The following PCDHGA10 variants were observed in gnomAD, a reference collection of about 807,000 sequenced individuals.
The protein encoded by PCDHGA10 is protocadherin gamma subfamily A, 10.
PCDHGA10 carries 42 observed loss-of-function variants against 59.5 expected under a neutral mutation model. The ratio of observed to expected loss-of-function variants is 0.71; its 90% CI spans 0.55 to 0.91. The LOEUF is 0.91. Ranked by LOEUF, PCDHGA10 falls within the 40% of genes least tolerant of loss-of-function variation. PCDHGA10 has a pLI of 0.00. For synonymous variants in PCDHGA10, 511 were observed against 517.2 expected (o/e 0.99, Z 0.16); for missense variants, 1,111 against 1,198.2 (o/e 0.93, Z 1.07).
At chr5:141,500,488 C>A (rs569168291) in intron 2 of PCDHGA10, among the ~76,000 whole-genome samples, 2 of 152,060 alleles carry the variant, frequency 1.3e-5, no homozygotes, top group East Asian at 3.9e-4. Flanking sequence ...GGATTACAGG[C>A]GTGAGCCACC....
chr5:141,439,556 C>A (rs543620281), intron 1 of PCDHGA10, among the ~76,000 whole-genome samples: 1 of 152,268 alleles, frequency 6.6e-6, no homozygotes, highest in East Asian at 1.9e-4. Context: ...CTTCAGGCTG[C>A]AGTTCTAGAG....
chr5:141,492,078 C>T (rs948391194), intron 1 of PCDHGA10: 4 of 483,290 alleles, frequency 8.3e-6, no homozygotes, highest in African/African-American at 2.0e-5. Flanking sequence ...GCGCCGGCTC[C>T]GGCACGCTTC....
chr5:141,414,878 A>G lies in PCDHGA10; in HGVS notation c.1703A>G (p.Tyr568Cys). Reference protein sequence around the residue: ...DQNDNAPEILYPALPTDGSTG... With the variant: ...DQNDNAPEILCPALPTDGSTG... ...AACGACAATGCGCCCGAGATCCTGT[A>G]CCCCGCCCTCCCCACAGACGGTTCC... The change falls in exon 1 of 4, where the codon TAC becomes TGC. Residue 568 changes from tyrosine (Y) to cysteine (C), a missense_variant. Tyr to Cys is a radical substitution (Grantham distance 194). Transcript: ENST00000398610. 1.2e-6 allele frequency: 2 copies of G among 1,614,026 alleles called. No individual in the cohort carries two copies. Among genetic ancestry groups the G allele is most frequent in the Non-Finnish European group, 1.7e-6 (2 of 1,179,986 alleles).
intron 1 of PCDHGA10, chr5:141,428,404 T>A (rs375988962): frequency 2.3e-5 from 11 of 476,688 alleles, no homozygotes; most frequent in East Asian, 2.1e-4. Flanking sequence ...TGCCTGGGGT[T>A]GCTTTCACCC....
chr5:141,473,029 G>A (rs62379204), intron 1 of PCDHGA10, among the ~76,000 whole-genome samples: 15,982 of 147,800 alleles, frequency 0.11, 873 homozygotes, highest in South Asian at 0.15. Flanking sequence ...AAGGAAGGAA[G>A]GAAGGAAAGA....
rs753702657 is a variant in PCDHGA10 at position 141,415,195 on chromosome 5, C to G, written c.2020C>G (p.Gln674Glu). ...CGTGGCCGTGGCCGACAGCATCCCC[C>G]AAGTCCTGGCGGACCTCGGCAGCTT... ...LTVAVADSIP[Q>E]VLADLGSFES... is the part of the protein sequence containing the mutation. Residue 674 changes from glutamine (Q) to glutamate (E), a missense_variant, in exon 1 of 4, where the codon CAA becomes GAA. Transcript: ENST00000398610. 5 of 1,614,058 alleles carry G rather than the reference C, an allele frequency of 3.1e-6. No individual in the cohort carries two copies. The highest frequency in any genetic ancestry group is 1.1e-5 in the South Asian group (1 of 91,090).
intron 1 of PCDHGA10, chr5:141,484,858 T>A: frequency 4.1e-6 from 1 of 245,806 alleles, no homozygotes; most frequent in Non-Finnish European, 7.8e-6. Context: ...TTTTGGGGGG[T>A]GGGGGAGCGT....
chr5:141,422,976 G>A lies in PCDHGA10; in HGVS notation c.2436+7365G>A, dbSNP rs558006468. On this transcript the variant is annotated intron_variant, in intron 1 of 3. Transcript: ENST00000398610. The stretch of plus-strand genomic sequence containing the variant: ...GCGTGGAGCTGGCGCCCCGCTCTGC[G>A]GAACCTGGCTACCTGGTGACCAAGG... 27 of 1,614,212 alleles carry A rather than the reference G, an allele frequency of 1.7e-5. No homozygotes were observed. In the East Asian group the frequency reaches 4.7e-4, roughly 28 times the overall value.
chr5:141,495,817 T>G (rs2099764054), intron 2 of PCDHGA10, among the ~76,000 whole-genome samples: 1 of 152,110 alleles, frequency 6.6e-6, no homozygotes, highest in African/African-American at 2.4e-5. Context: ...TAGCGCCTTG[T>G]GTTCTTCTAT....
intron 1 of PCDHGA10, among the ~76,000 whole-genome samples, chr5:141,472,712 G>A (rs1303609397): frequency 1.3e-5 from 2 of 151,972 alleles, no homozygotes; most frequent in Admixed American, 6.6e-5. Flanking sequence ...CAGGCCAGGC[G>A]CTGTGGCTCA....
At chr5:141,423,341 TC>T (rs767448191) in intron 1 of PCDHGA10, 181 of 1,614,176 alleles carry the variant, frequency 1.1e-4, no homozygotes, top group Admixed American at 2.7e-4. Context: ...TCCTGCATCT[TC>T]CTGGTCTTTG....
chr5:141,446,279 G>A (rs1326701686), intron 1 of PCDHGA10, among the ~76,000 whole-genome samples: 1 of 152,096 alleles, frequency 6.6e-6, no homozygotes, highest in African/African-American at 2.4e-5. Context: ...AAATACAATG[G>A]ATAAATGGGG....
At chr5:141,453,240 A>G (rs1470706774) in intron 1 of PCDHGA10, among the ~76,000 whole-genome samples, 1 of 152,020 alleles carries the variant, frequency 6.6e-6, no homozygotes, top group African/African-American at 2.4e-5. Context: ...CAGCCTCCCA[A>G]ATAGCTGGGG....
chr5:141,489,166 C>A lies in PCDHGA10; in HGVS notation c.2437-5641C>A. The A allele has an allele frequency of 9.1e-7, 1 of 1,099,536 alleles. No individual in the cohort carries two copies. The highest frequency in any genetic ancestry group is 1.3e-6 in the Non-Finnish European group (1 of 761,554). The allele number at this position is 1,099,536 out of a possible 1,614,324, so 68.1% of individuals were successfully genotyped here. ...AAGGAGACATAAGAGACTTCAGCTGCTGCATTCCAAGCCCTGGGTCTACCT... is the reference window on the plus strand; with the variant it reads ...AAGGAGACATAAGAGACTTCAGCTGATGCATTCCAAGCCCTGGGTCTACCT... On this transcript the variant is annotated intron_variant, in intron 1 of 3. Transcript: ENST00000398610. This position sits in a 1 kb window ranked among gnomAD's most constrained non-coding sequence, Gnocchi z 4.5.
At chr5:141,416,620 G>T (rs1395913352) in intron 1 of PCDHGA10, 1 of 152,142 alleles carries the variant, frequency 6.6e-6, no homozygotes, top group Non-Finnish European at 1.5e-5. Flanking sequence ...CATTTCTGCA[G>T]ATCAGAATAT....
rs79464787 is a variant in PCDHGA10, at chr5:141,480,455, T to C, written c.2437-14352T>C. Among the ~76,000 whole-genome samples the C allele has an allele frequency of 7.4e-3, 1,134 of 152,274 alleles. 17 individuals are homozygous for C. The highest frequency in any genetic ancestry group is 0.026 in the African/African-American group (1,086 of 41,548). ...CAGCTATTACTATAATTATTTTTAT[T>C]AGTTCCTCACTCACCTAAAATCTCA... On this transcript the variant is annotated intron_variant, in intron 1 of 3. Transcript: ENST00000398610.
intron 1 of PCDHGA10, among the ~76,000 whole-genome samples, chr5:141,469,172 A>C (rs1310781965): frequency 6.6e-6 from 1 of 152,050 alleles, no homozygotes; most frequent in Admixed American, 6.6e-5. Context: ...GCTACTTGGG[A>C]GGCTGAGGCA....
chr5:141,489,636 C>T lies in PCDHGA10; in HGVS notation c.2437-5171C>T. On this transcript the variant is annotated intron_variant, in intron 1 of 3. Coordinates refer to ENST00000398610, the MANE Select transcript of PCDHGA10 (RefSeq NM_018913.3). The surrounding 1 kb of genome is among the most constrained non-coding windows in gnomAD (Gnocchi z 4.5). ...TGGATCTCAATGACAACTCTCCTAG[C>T]TTTGCCACCCCTGAGCGAGAGATGC... 1.2e-6 allele frequency: 2 copies of T among 1,614,190 alleles called. No homozygotes were observed. The highest frequency in any genetic ancestry group is 1.7e-6 in the Non-Finnish European group (2 of 1,180,030).
chr5:141,470,828 C>A (rs1328067769), intron 1 of PCDHGA10, among the ~76,000 whole-genome samples: 1 of 151,994 alleles, frequency 6.6e-6, no homozygotes, highest in Non-Finnish European at 1.5e-5. Flanking sequence ...GTTAGGACGA[C>A]AAACACACGC....
Sources: gnomAD v4.1 joint callset for allele counts (sites outside exome capture counted in the v4.1 genomes callset) on GRCh38, gnomAD v4.1.1 for gene constraint, Gnocchi (gnomAD v3.1) non-coding constraint, MANE v1.5 for transcripts, NCBI Gene and HGNC (gene_info 2026-07-23, HGNC 2026-07-21) for gene names.